The following MORC1 variants were observed in gnomAD, a reference collection of about 807,000 sequenced individuals.
The protein encoded by MORC1 is MORC family CW-type zinc finger protein 1.
In MORC1, 59 loss-of-function variants were observed where a neutral mutation model predicts 134.9. The ratio of observed to expected loss-of-function variants is 0.44; its 90% CI spans 0.35 to 0.54. The LOEUF is 0.54. Among genes scored for constraint, MORC1 ranks in the 20% least tolerant of loss-of-function variants. The pLI, the probability that MORC1 is intolerant of heterozygous loss-of-function variation, is 0.00. For missense variants in MORC1, 947 were observed against 1,134.5 expected, an observed-to-expected ratio of 0.83 and a Z score of 2.37; for synonymous variants, 395 against 391.7, an observed-to-expected ratio of 1.01 and a Z score of -0.10.
At chr3:109,033,291 AGG>A (rs1360097027) in intron 15 of MORC1, among the ~76,000 whole-genome samples, 7 of 23,222 alleles carry the variant, frequency 3.0e-4, no homozygotes, top group Admixed American at 2.5e-3. Context: ...GAAAGGAGGA[AGG>A]AAGGAAGGAA....
rs954706624 is a variant in MORC1, at chr3:108,966,013, T to A, written c.2605-2405A>T. Among the ~76,000 whole-genome samples, 11 of 152,308 alleles carry A rather than the reference T, an allele frequency of 7.2e-5. 1 individual carries two copies. The highest frequency in any genetic ancestry group is 3.4e-3 in the Middle Eastern group (1 of 294). ...CTCTCCAGGAGGTTCTGCTAACCTC[T>A]CCAGGAAGTTTCTATGAAAGGTAAC... On this transcript the variant is annotated intron_variant, in intron 26 of 27. Coordinates refer to ENST00000232603, the MANE Select transcript of MORC1 (RefSeq NM_014429.4).
intron 24 of MORC1, among the ~76,000 whole-genome samples, chr3:108,976,126 G>A (rs554401590): frequency 1.9e-4 from 29 of 152,284 alleles, no homozygotes; most frequent in Admixed American, 1.8e-3. Flanking sequence ...ATGCCTGACT[G>A]AGCATAATTA....
At chr3:109,074,475 T>A (rs1950380313) in intron 8 of MORC1, among the ~76,000 whole-genome samples, 1 of 152,146 alleles carries the variant, frequency 6.6e-6, no homozygotes, top group Non-Finnish European at 1.5e-5. Context: ...AAAGATGATA[T>A]AAGGGGTGAT....
intron 14 of MORC1, among the ~76,000 whole-genome samples, chr3:109,054,090 T>C (rs1028712860): frequency 1.3e-5 from 2 of 151,848 alleles, no homozygotes; most frequent in Admixed American, 6.6e-5. Context: ...AAGACCAGCC[T>C]GGCCAAGATG....
At chr3:109,098,410 G>C (rs902782553) in intron 6 of MORC1, among the ~76,000 whole-genome samples, 4 of 151,996 alleles carry the variant, frequency 2.6e-5, no homozygotes, top group Non-Finnish European at 5.9e-5. Flanking sequence ...CTCAGGTCAG[G>C]CTCCCACACG....
chr3:108,994,437 G>A (rs1319847388), intron 21 of MORC1, among the ~76,000 whole-genome samples: 1 of 151,422 alleles, frequency 6.6e-6, no homozygotes. Context: ...TTAAATAGAA[G>A]GTCTATTCTA....
intron 13 of MORC1, among the ~76,000 whole-genome samples, chr3:109,056,607 T>C (rs959530071): frequency 2.0e-5 from 3 of 152,254 alleles, no homozygotes; most frequent in African/African-American, 7.2e-5. Flanking sequence ...TCCTTTTCAC[T>C]GGACTATACA....
chr3:109,046,683 T>G (rs1204559334), intron 14 of MORC1, among the ~76,000 whole-genome samples: 1 of 152,258 alleles, frequency 6.6e-6, no homozygotes, highest in Non-Finnish European at 1.5e-5. Flanking sequence ...TCTACATTAT[T>G]TTATTTTTAA....
At chr3:109,097,407 C>T (rs930905000) in intron 6 of MORC1, among the ~76,000 whole-genome samples, 2 of 152,156 alleles carry the variant, frequency 1.3e-5, no homozygotes, top group Non-Finnish European at 2.9e-5. Flanking sequence ...AGATATTTTG[C>T]CCCCTATGTT....
intron 8 of MORC1, among the ~76,000 whole-genome samples, chr3:109,077,240 C>T (rs1196971986): frequency 5.3e-5 from 8 of 152,062 alleles, no homozygotes; most frequent in African/African-American, 9.6e-5. Flanking sequence ...AGAATCATTT[C>T]GGGATATAAT....
intron 12 of MORC1, among the ~76,000 whole-genome samples, chr3:109,058,550 A>G (rs1950012820): frequency 1.3e-5 from 2 of 152,110 alleles, no homozygotes; most frequent in African/African-American, 4.8e-5. Flanking sequence ...ATTAAAGAAC[A>G]ATGATAAAGT....
At chr3:109,063,936 T>C (rs1362417702) in intron 9 of MORC1, among the ~76,000 whole-genome samples, 1 of 152,144 alleles carries the variant, frequency 6.6e-6, no homozygotes, top group East Asian at 1.9e-4. Context: ...GTTTAAATCA[T>C]CATAGAGAGA....
At chr3:109,095,153 A>G (rs750510155) in intron 6 of MORC1, 85 bp from the exon 7 acceptor site, 17 of 1,262,194 alleles carry the variant, frequency 1.3e-5, no homozygotes, top group Non-Finnish European at 1.7e-5. Flanking sequence ...TCCACTCTTC[A>G]TCTAGACAAA....
At chr3:109,026,123 C>A (rs1410946526) in intron 17 of MORC1, among the ~76,000 whole-genome samples, 1 of 152,106 alleles carries the variant, frequency 6.6e-6, no homozygotes, top group Admixed American at 6.5e-5. Flanking sequence ...CCTTGGTTAC[C>A]ACAAAAGCAG....
chr3:109,000,596 C>T lies in MORC1; in HGVS notation c.2148G>A (p.Leu716=), dbSNP rs1294921093. 1 of 1,611,490 alleles carries T rather than the reference C, an allele frequency of 6.2e-7. No individual in the cohort carries two copies. The highest frequency in any genetic ancestry group is 1.1e-5 in the South Asian group (1 of 90,594). Residue 716 remains leucine (L), a synonymous_variant, in exon 21 of 28, where the codon TTG becomes TTA. Coordinates refer to ENST00000232603, the MANE Select transcript of MORC1 (RefSeq NM_014429.4). ...AATCACTCGTGTTCTCATCTTCAGTCAATACCTTACATTCCTCTACAAAGT... is the reference window on the plus strand; with the variant it reads ...AATCACTCGTGTTCTCATCTTCAGTTAATACCTTACATTCCTCTACAAAGT... ...SLNFVEECKV[L]TEDENTSDSD... is the part of the protein sequence containing the mutation.
intron 8 of MORC1, 118 bp downstream of exon 8, chr3:109,093,318 T>TA (rs1271228769): frequency 8.8e-6 from 6 of 685,314 alleles, no homozygotes; most frequent in African/African-American, 7.3e-5. Flanking sequence ...GTAACTAGGG[T>TA]AAGATGAATT....
intron 21 of MORC1, among the ~76,000 whole-genome samples, chr3:108,993,221 CT>C (rs573071781): frequency 1.1e-3 from 160 of 152,276 alleles, no homozygotes; most frequent in African/African-American, 3.8e-3. Flanking sequence ...AGATACTTGA[CT>C]TTTTTGGTGT....
intron 5 of MORC1, among the ~76,000 whole-genome samples, chr3:109,100,094 T>C (rs1213359952): frequency 6.6e-6 from 1 of 152,012 alleles, no homozygotes; most frequent in African/African-American, 2.4e-5. Flanking sequence ...AATACAAAAA[T>C]TAGCTGAGCA....
At chr3:108,981,796 T>C (rs1947731593) in intron 23 of MORC1, among the ~76,000 whole-genome samples, 1 of 152,032 alleles carries the variant, frequency 6.6e-6, no homozygotes, top group Non-Finnish European at 1.5e-5. Flanking sequence ...ATTAAGATTG[T>C]TTTTCCCTAG....
Sources: allele counts gnomAD v4.1 joint callset (sites outside exome capture counted in the v4.1 genomes callset), GRCh38; gene constraint gnomAD v4.1.1; transcripts MANE v1.5; gene names NCBI Gene and HGNC (gene_info 2026-07-23, HGNC 2026-07-21).